MYRIP: variants seen among roughly 807,000 people sequenced by gnomAD.
MYRIP encodes the protein rab effector MyRIP.
MYRIP carries 49 observed loss-of-function variants against 98.0 expected under a neutral mutation model. The observed-to-expected ratio is 0.50, with a 90% CI of 0.40 to 0.63. The LOEUF (loss-of-function observed/expected upper bound fraction) is 0.63, where lower values mean the gene tolerates loss of function less well. Ranked by LOEUF, MYRIP falls within the 30% of genes least tolerant of loss-of-function variation. The pLI, the probability that MYRIP is intolerant of heterozygous loss-of-function variation, is 0.00. For synonymous variants in MYRIP, 404 were observed against 409.5 expected (o/e 0.99, Z 0.16); for missense variants, 1,004 against 1,058.2 (o/e 0.95, Z 0.71).
At chr3:39,867,461 A>T (rs67340781) in intron 1 of MYRIP, among the ~76,000 whole-genome samples, 7,728 of 141,648 alleles carry the variant, frequency 0.055, 229 homozygotes, top group African/African-American at 0.074. Context: ...AGGAACTTAT[A>T]TAATGCAATA....
intron 16 of MYRIP, among the ~76,000 whole-genome samples, chr3:40,253,690 A>C (rs7432524): frequency 0.96 from 146,817 of 152,242 alleles, 70,947 homozygotes; most frequent in East Asian, 1. Flanking sequence ...TTCTAGAATC[A>C]GTATTGACAA....
In MYRIP at chr3:39,972,810, G is replaced by A. The variant is rs577923149; in HGVS notation, c.111-71240G>A. On this transcript the variant is annotated intron_variant, in intron 2 of 16. Transcript: ENST00000302541. ...AGAATGGGTCCTTCTTTCCATAGTG[G>A]CAGTGAAGCTAGGGTACATTGACGG... is the stretch of plus-strand genomic sequence containing the variant. 1.1e-3 allele frequency among the ~76,000 whole-genome samples: 163 copies of A among 151,282 alleles called. 1 individual carries two copies. The highest frequency in any genetic ancestry group is 3.7e-3 in the African/African-American group (151 of 41,272).
chr3:39,979,592 C>G (rs964052135), intron 2 of MYRIP, among the ~76,000 whole-genome samples: 1 of 150,556 alleles, frequency 6.6e-6, no homozygotes, highest in South Asian at 2.1e-4. Context: ...GAGCCAAGAT[C>G]GCACCATTGC....
intron 2 of MYRIP, among the ~76,000 whole-genome samples, chr3:39,991,550 C>T (rs566318668): frequency 6.6e-6 from 1 of 152,132 alleles, no homozygotes; most frequent in South Asian, 2.1e-4. Flanking sequence ...TTTCCCTTTG[C>T]TCATTTTGCT....
intron 2 of MYRIP, among the ~76,000 whole-genome samples, chr3:39,903,154 G>A (rs1943784522): frequency 1.3e-5 from 2 of 152,114 alleles, no homozygotes; most frequent in South Asian, 4.1e-4. Flanking sequence ...AATGATTCCA[G>A]CAAAGAATAT....
chr3:40,209,628 TCAAA>T (rs1951868063), intron 10 of MYRIP, among the ~76,000 whole-genome samples: 2 of 151,954 alleles, frequency 1.3e-5, no homozygotes, highest in African/African-American at 4.8e-5. Flanking sequence ...AAAAAAGAAT[TCAAA>T]CACTTTTTTG....
intron 10 of MYRIP, among the ~76,000 whole-genome samples, chr3:40,198,645 GA>G (rs1232274099): frequency 1.3e-5 from 2 of 152,112 alleles, no homozygotes; most frequent in African/African-American, 4.8e-5. Flanking sequence ...TTTGTTGATT[GA>G]GACTTCAGGA....
intron 10 of MYRIP, among the ~76,000 whole-genome samples, chr3:40,198,111 C>T (rs759989614): frequency 1.6e-4 from 25 of 152,202 alleles, no homozygotes; most frequent in Non-Finnish European, 2.8e-4. Flanking sequence ...TTTATCACTA[C>T]ACCTCCCAGG....
At chr3:40,237,875 C>T (rs1291151751) in intron 12 of MYRIP, among the ~76,000 whole-genome samples, 1 of 152,244 alleles carries the variant, frequency 6.6e-6, no homozygotes, top group African/African-American at 2.4e-5. Flanking sequence ...ACACTTAAAA[C>T]AAAGATATCC....
intron 2 of MYRIP, among the ~76,000 whole-genome samples, chr3:40,035,077 G>A (rs1185593325): frequency 9.4e-6 from 1 of 106,882 alleles, no homozygotes; most frequent in African/African-American, 3.7e-5. Context: ...CTGTTATGGG[G>A]TGGGGGGAGG....
chr3:40,026,130 G>A (rs868154950), intron 2 of MYRIP, among the ~76,000 whole-genome samples: 6 of 152,000 alleles, frequency 3.9e-5, no homozygotes, highest in African/African-American at 9.7e-5. Flanking sequence ...CAGAGTGGCC[G>A]TTTATAGACC....
chr3:39,896,014 G>T (rs771167303), intron 1 of MYRIP, among the ~76,000 whole-genome samples: 1 of 152,104 alleles, frequency 6.6e-6, no homozygotes, highest in Non-Finnish European at 1.5e-5. Context: ...GTCAATAAAT[G>T]GTGTTAGGAC....
intron 1 of MYRIP, among the ~76,000 whole-genome samples, chr3:39,856,461 T>G (rs532697219): frequency 1.6e-4 from 25 of 152,266 alleles, no homozygotes; most frequent in African/African-American, 6.0e-4. Flanking sequence ...TGCAGCCCCA[T>G]TTGAATGCAC....
At chr3:40,057,002 G>T (rs745419407) in intron 3 of MYRIP, among the ~76,000 whole-genome samples, 1 of 152,134 alleles carries the variant, frequency 6.6e-6, no homozygotes, top group Non-Finnish European at 1.5e-5. Flanking sequence ...GTGAATATCA[G>T]TTACTTTTAT....
intron 2 of MYRIP, among the ~76,000 whole-genome samples, chr3:39,993,319 A>T (rs535565357): frequency 1.3e-5 from 2 of 152,316 alleles, no homozygotes; most frequent in Admixed American, 1.3e-4. Flanking sequence ...TACAATGATG[A>T]TTGAGTTTCC....
At chr3:39,992,603 T>A (rs956305947) in intron 2 of MYRIP, among the ~76,000 whole-genome samples, 1 of 152,148 alleles carries the variant, frequency 6.6e-6, no homozygotes, top group African/African-American at 2.4e-5. Flanking sequence ...TTGTAGCCAG[T>A]CCCTCTCATT....
chr3:40,044,276 G>T lies in MYRIP; in HGVS notation c.332+5G>T. 6.2e-7 allele frequency: 1 copy of T among 1,613,814 alleles called. No individual in the cohort carries two copies. Among genetic ancestry groups the T allele is most frequent in the Non-Finnish European group, 8.5e-7 (1 of 1,179,732 alleles). ...CTGCGTCTGCCAGCAAGCGAGGTGA[G>T]TGGCTGGTGCATTCCCAGGGTCTAC... On this transcript the variant is annotated splice_donor_5th_base_variant and intron_variant, in intron 3 of 16. Coordinates refer to ENST00000302541, the MANE Select transcript of MYRIP (RefSeq NM_015460.4).
At chr3:40,184,246 A>G (rs1309724881) in intron 9 of MYRIP, among the ~76,000 whole-genome samples, 2 of 152,236 alleles carry the variant, frequency 1.3e-5, no homozygotes, top group African/African-American at 4.8e-5. Flanking sequence ...ATGCACACAG[A>G]AAATGGACTG....
chr3:39,893,076 A>G (rs1943525305), intron 1 of MYRIP, among the ~76,000 whole-genome samples: 1 of 152,152 alleles, frequency 6.6e-6, no homozygotes, highest in African/African-American at 2.4e-5. Flanking sequence ...TTATAAATAA[A>G]ACCCAAAACT....
Sources: gnomAD v4.1 joint callset for allele counts (sites outside exome capture counted in the v4.1 genomes callset) on GRCh38, gnomAD v4.1.1 for gene constraint, MANE v1.5 for transcripts, NCBI Gene and HGNC (gene_info 2026-07-23, HGNC 2026-07-21) for gene names.